The following RAP1GAP2 variants were observed in gnomAD, a reference collection of about 807,000 sequenced individuals.
RAP1GAP2 encodes rap1 GTPase-activating protein 2.
In RAP1GAP2, 27 loss-of-function variants were observed where a neutral mutation model predicts 95.0. The observed-to-expected ratio is 0.28, with a 90% CI of 0.21 to 0.39. The LOEUF (loss-of-function observed/expected upper bound fraction) is 0.39. Ranked by LOEUF, RAP1GAP2 falls within the 10% of genes least tolerant of loss-of-function variation. The pLI, the probability that RAP1GAP2 is intolerant of heterozygous loss-of-function variation, is 1.00. For missense variants in RAP1GAP2, 771 were observed against 970.0 expected, an observed-to-expected ratio of 0.79 and a Z score of 2.72; for synonymous variants, 373 against 380.9, an observed-to-expected ratio of 0.98 and a Z score of 0.24.
intron 2 of RAP1GAP2, among the ~76,000 whole-genome samples, chr17:2,829,782 C>G (rs2070749315): frequency 6.6e-6 from 1 of 151,204 alleles, no homozygotes; most frequent in African/African-American, 2.4e-5. Flanking sequence ...TCTGTGAGTA[C>G]CATGGTGGTT....
chr17:2,963,946 A>C lies in RAP1GAP2; in HGVS notation c.370A>C (p.Thr124Pro). Residue 124 changes from threonine to proline, a missense_variant, in exon 7 of 25, where the codon ACA becomes CCA. Physicochemically the swap from Thr to Pro is conservative, Grantham distance 38. Coordinates refer to ENST00000254695, the MANE Select transcript of RAP1GAP2 (RefSeq NM_015085.5). The surrounding 1 kb of genome is among the most constrained non-coding windows in gnomAD (Gnocchi z 4.8). ...GGACCCGGAGAACGTGGGCACCCCA[A>C]CATCGCTGGGGAGCAGCATCTGTGA... Reference protein sequence around the residue: ...IEDPENVGTPTSLGSSICEEE... With the variant: ...IEDPENVGTPPSLGSSICEEE... 6 of 1,613,234 alleles carry C rather than the reference A, an allele frequency of 3.7e-6. No individual in the cohort carries two copies. Among genetic ancestry groups the C allele is most frequent in the East Asian group, 2.2e-5 (1 of 44,782 alleles).
intron 17 of RAP1GAP2, among the ~76,000 whole-genome samples, chr17:3,013,007 G>A (rs775883714): frequency 5.9e-5 from 9 of 152,222 alleles, no homozygotes; most frequent in African/African-American, 9.6e-5. Context: ...TGACCTCATC[G>A]CACAGAGGTG....
At chr17:2,818,284 C>T (rs949102881) in intron 2 of RAP1GAP2, among the ~76,000 whole-genome samples, 1 of 150,778 alleles carries the variant, frequency 6.6e-6, no homozygotes, top group Non-Finnish European at 1.5e-5. Context: ...TGTGTTTTCT[C>T]TCAGCCCACT....
chr17:2,879,587 A>G (rs1046634670), intron 2 of RAP1GAP2, among the ~76,000 whole-genome samples: 1 of 151,868 alleles, frequency 6.6e-6, no homozygotes, highest in Admixed American at 6.6e-5. Context: ...ATAGCTGGGT[A>G]TGGTGGTCGG....
Position 2,963,477 on chromosome 17 carries a change from C to T in RAP1GAP2, c.279+15C>T, listed in dbSNP as rs1333600480. The T allele has an allele frequency of 6.2e-7, 1 of 1,613,690 alleles. No homozygotes were observed. The highest frequency in any genetic ancestry group is 1.7e-5 in the Admixed American group (1 of 60,022). ...GCATCGACGAGGTAGGTGCCCTCCC[C>T]TCACTCCCACCTGCCCTGCAGCCTG... is the stretch of plus-strand genomic sequence containing the variant. On this transcript the variant is annotated intron_variant, in intron 6 of 24. Coordinates refer to ENST00000254695, the MANE Select transcript of RAP1GAP2 (RefSeq NM_015085.5). The surrounding 1 kb of genome is among the most constrained non-coding windows in gnomAD (Gnocchi z 4.8).
intron 22 of RAP1GAP2, among the ~76,000 whole-genome samples, chr17:3,028,276 G>A (rs1007573620): frequency 6.6e-6 from 1 of 152,068 alleles, no homozygotes; most frequent in African/African-American, 2.4e-5. Flanking sequence ...TGTAGTCAGC[G>A]GTTCTGAGCC....
intron 3 of RAP1GAP2, among the ~76,000 whole-genome samples, chr17:2,910,945 A>G (rs1435095364): frequency 6.6e-6 from 1 of 152,186 alleles, no homozygotes; most frequent in Non-Finnish European, 1.5e-5. Flanking sequence ...GTGATCCGCC[A>G]GCCTTGGCCT....
intron 11 of RAP1GAP2, among the ~76,000 whole-genome samples, chr17:2,985,874 C>T (rs182614134): frequency 2.9e-4 from 44 of 152,200 alleles, no homozygotes; most frequent in Non-Finnish European, 5.7e-4. Context: ...ACACAAACTT[C>T]CCATCTTCCC....
chr17:3,026,272 AGAGGTCCCGGG>A lies in RAP1GAP2; in HGVS notation c.1866-73_1866-63del, dbSNP rs1478002326. 3 of 1,375,532 alleles carry A rather than the reference AGAGGTCCCGGG, an allele frequency of 2.2e-6. No individual in the cohort carries two copies. In the Admixed American group the frequency reaches 5.9e-5, roughly 27 times the overall value. The allele number at this position is 1,375,532 out of a possible 1,614,324, so 85.2% of individuals were successfully genotyped here. A position where few individuals can be genotyped will look rare whatever the true frequency, so the allele number is the denominator to read the frequency against. ...ACGGGTGGGGGCGTGGGGAGCCGCC[AGAGGTCCCGGG>A]GAGGACCCTGGGGGTGGAGGGCTCT... is the stretch of plus-strand genomic sequence containing the variant. On this transcript the variant is annotated intron_variant, in intron 20 of 24. Coordinates refer to ENST00000254695, the MANE Select transcript of RAP1GAP2 (RefSeq NM_015085.5).
At chr17:2,831,617 A>G (rs2070856775) in intron 2 of RAP1GAP2, among the ~76,000 whole-genome samples, 1 of 148,158 alleles carries the variant, frequency 6.7e-6, no homozygotes, top group South Asian at 2.4e-4. Flanking sequence ...TTGGCTGTGC[A>G]TGGTGGCTCA....
In RAP1GAP2 at chr17:2,985,027, C is replaced by G; in HGVS notation, c.774C>G (p.Asn258Lys). ...IVSYDEHEVN[N>K]TFKFGVIYQK... ...CCTATGATGAGCATGAAGTCAACAA[C>G]ACATTCAAATTCGGAGTCATTTATC... Residue 258 changes from asparagine (N) to lysine (K), a missense_variant, in exon 11 of 25, where the codon AAC (asparagine) becomes AAG (lysine). Transcript: ENST00000254695. The G allele has an allele frequency of 6.2e-7, 1 of 1,613,768 alleles. No homozygotes were observed. Among genetic ancestry groups the G allele is most frequent in the Non-Finnish European group, 8.5e-7 (1 of 1,179,848 alleles).
At chr17:2,949,651 A>G (rs1597698020) in intron 3 of RAP1GAP2, among the ~76,000 whole-genome samples, 1 of 142,746 alleles carries the variant, frequency 7.0e-6, no homozygotes, top group African/African-American at 2.6e-5. Context: ...TGCCCTGAGC[A>G]TTAACTGAGT....
At chr17:2,839,836 G>C (rs2071292981) in intron 2 of RAP1GAP2, among the ~76,000 whole-genome samples, 1 of 152,116 alleles carries the variant, frequency 6.6e-6, no homozygotes, top group Non-Finnish European at 1.5e-5. Context: ...TTTTGCTCTT[G>C]TTGCCCAGGC....
At chr17:2,934,072 C>T (rs2043233769) in intron 3 of RAP1GAP2, among the ~76,000 whole-genome samples, 1 of 152,280 alleles carries the variant, frequency 6.6e-6, no homozygotes, top group South Asian at 2.1e-4. Flanking sequence ...TGGCGTCCGT[C>T]ATCCATGCCT....
intron 1 of RAP1GAP2, among the ~76,000 whole-genome samples, chr17:2,767,197 A>G (rs1011333557): frequency 1.3e-5 from 2 of 151,608 alleles, no homozygotes; most frequent in African/African-American, 4.8e-5. Flanking sequence ...CCCCGTTTCC[A>G]CTAAAAACAC....
At chr17:2,851,828 G>A (rs140587948) in intron 2 of RAP1GAP2, among the ~76,000 whole-genome samples, 76 of 152,276 alleles carry the variant, frequency 5.0e-4, no homozygotes, top group African/African-American at 1.8e-3. Context: ...CCACCTGCCT[G>A]CCTCGGCCTT....
intron 4 of RAP1GAP2, among the ~76,000 whole-genome samples, chr17:2,960,123 C>CAAAAAAAAA (rs71153316): frequency 2.3e-4 from 19 of 80,944 alleles, no homozygotes; most frequent in African/African-American, 8.6e-4. Context: ...GACTCCATCT[C>CAAAAAAAAA]AAAAAAAAAA....
At chr17:2,877,659 G>A (rs1468202405) in intron 2 of RAP1GAP2, among the ~76,000 whole-genome samples, 1 of 152,226 alleles carries the variant, frequency 6.6e-6, no homozygotes, top group African/African-American at 2.4e-5. Context: ...GCTGAGGCAT[G>A]AGGATTGCTT....
chr17:2,979,643 T>G (rs1343086099), intron 8 of RAP1GAP2, among the ~76,000 whole-genome samples: 1 of 151,412 alleles, frequency 6.6e-6, no homozygotes, highest in Non-Finnish European at 1.5e-5. Context: ...ATTTTTGTAT[T>G]TTTAGTAGAG....
Sources: gnomAD v4.1 joint callset for allele counts (sites outside exome capture counted in the v4.1 genomes callset) on GRCh38, gnomAD v4.1.1 for gene constraint, Gnocchi (gnomAD v3.1) non-coding constraint, MANE v1.5 for transcripts, NCBI Gene and HGNC (gene_info 2026-07-23, HGNC 2026-07-21) for gene names.